SATB2: variants seen among roughly 807,000 people sequenced by gnomAD.
SATB2 encodes DNA-binding protein SATB2.
A neutral mutation model predicts 73.4 loss-of-function variants in SATB2; 1 was observed. The ratio of observed to expected loss-of-function variants is 0.01; its 90% CI spans 0.00 to 0.06. The LOEUF (loss-of-function observed/expected upper bound fraction) is 0.06, where lower values mean the gene tolerates loss of function less well. Among genes scored for constraint, SATB2 ranks in the 10% least tolerant of loss-of-function variants. SATB2 has a pLI of 1.00. For missense variants in SATB2, 459 were observed against 945.8 expected (o/e 0.49, Z 6.75); for synonymous variants, 397 against 367.0 (o/e 1.08, Z -0.93).
chr2:199,380,309 G>A, intron 5 of SATB2, 55 bp downstream of exon 5: 1 of 1,609,480 alleles, frequency 6.2e-7, no homozygotes, highest in Non-Finnish European at 8.5e-7. Flanking sequence ...CCCCCTGATA[G>A]AGAGTCTACC....
At chr2:199,323,716 T>C (rs1687955033) in intron 9 of SATB2, 87 bp downstream of exon 9, 1 of 1,319,284 alleles carries the variant, frequency 7.6e-7, no homozygotes, top group East Asian at 2.3e-5. Context: ...GTTATTATTA[T>C]TATAGGAACA....
At chr2:199,340,535 C>A (rs532246139) in intron 7 of SATB2, among the ~76,000 whole-genome samples, 3 of 152,248 alleles carry the variant, frequency 2.0e-5, no homozygotes, top group Non-Finnish European at 1.5e-5. Flanking sequence ...CTCAGAAGAA[C>A]TAGCTGAGAC....
chr2:199,324,400 AG>A (rs999283175), intron 8 of SATB2, among the ~76,000 whole-genome samples: 4 of 152,120 alleles, frequency 2.6e-5, no homozygotes, highest in African/African-American at 4.8e-5. Flanking sequence ...TGCACTCCCA[AG>A]TCTCTCTTAT....
chr2:199,276,956 T>C (rs752227824), intron 10 of SATB2, among the ~76,000 whole-genome samples: 2 of 152,190 alleles, frequency 1.3e-5, no homozygotes, highest in Non-Finnish European at 2.9e-5. Flanking sequence ...TAAATTGTAG[T>C]ATACTTATAT....
chr2:199,393,968 G>A (rs1690225552), intron 3 of SATB2, among the ~76,000 whole-genome samples: 1 of 151,972 alleles, frequency 6.6e-6, no homozygotes, highest in Non-Finnish European at 1.5e-5. Flanking sequence ...AATAACAAAA[G>A]CTGCTGCCTA....
chr2:199,321,365 G>GTCTATACATAGACATATA (rs1559160006), intron 9 of SATB2, among the ~76,000 whole-genome samples: 144 of 149,974 alleles, frequency 9.6e-4, no homozygotes, highest in African/African-American at 3.2e-3. Context: ...AGATATATAT[G>GTCTATACATAGACATATA]TATGTCTATA....
At chr2:199,302,729 A>G (rs916953481) in intron 10 of SATB2, among the ~76,000 whole-genome samples, 1 of 152,168 alleles carries the variant, frequency 6.6e-6, no homozygotes, top group African/African-American at 2.4e-5. Flanking sequence ...TAATTAGTTT[A>G]TTTGTTTCCC....
upstream of SATB2, chr2:199,459,698 A>C (rs1692425452): frequency 6.5e-6 from 1 of 152,716 alleles, no homozygotes; most frequent in African/African-American, 2.4e-5. This position sits in a 1 kb window ranked among gnomAD's most constrained non-coding sequence, Gnocchi z 4.2. Flanking sequence ...CCCCCTTAAG[A>C]AGCGTTGACT....
chr2:199,442,284 T>G (rs1173876659), intron 2 of SATB2, among the ~76,000 whole-genome samples: 1 of 152,172 alleles, frequency 6.6e-6, no homozygotes, highest in Admixed American at 6.5e-5. Context: ...ATGATCCACA[T>G]AAGTGGATTC....
At chr2:199,336,375 T>C (rs1688338830) in intron 7 of SATB2, among the ~76,000 whole-genome samples, 1 of 152,144 alleles carries the variant, frequency 6.6e-6, no homozygotes, top group South Asian at 2.1e-4. Flanking sequence ...TATTCCTAGT[T>C]TCCATGAATG....
At chr2:199,320,376 A>C (rs904263376) in intron 9 of SATB2, among the ~76,000 whole-genome samples, 4 of 152,130 alleles carry the variant, frequency 2.6e-5, no homozygotes, top group African/African-American at 9.7e-5. Context: ...ACTGGTCCTA[A>C]ATAGAAAATG....
intron 3 of SATB2, among the ~76,000 whole-genome samples, chr2:199,414,717 G>C (rs1690923217): frequency 6.6e-6 from 1 of 152,106 alleles, no homozygotes; most frequent in African/African-American, 2.4e-5. Context: ...ACGGGCCCCA[G>C]TCTGCAAAAG....
intron 6 of SATB2, among the ~76,000 whole-genome samples, chr2:199,349,847 C>T (rs577708608): frequency 1.7e-4 from 26 of 152,194 alleles, no homozygotes; most frequent in African/African-American, 6.3e-4. Context: ...AGGTTATCTG[C>T]TTTATTACAT....
chr2:199,451,284 T>C (rs1692115633), intron 2 of SATB2, among the ~76,000 whole-genome samples: 1 of 152,058 alleles, frequency 6.6e-6, no homozygotes, highest in African/African-American at 2.4e-5. Flanking sequence ...TTCCACTGCA[T>C]ATATTTTTTT....
chr2:199,336,572 T>C (rs1281325344), intron 7 of SATB2, among the ~76,000 whole-genome samples: 1 of 152,232 alleles, frequency 6.6e-6, no homozygotes, highest in Non-Finnish European at 1.5e-5. Context: ...AGCTGACTTT[T>C]TCTGAAACAG....
intron 7 of SATB2, among the ~76,000 whole-genome samples, chr2:199,339,786 C>T (rs1414650735): frequency 6.6e-6 from 1 of 152,132 alleles, no homozygotes; most frequent in Non-Finnish European, 1.5e-5. Context: ...ATTGTGCCAA[C>T]CTTTGGCTAA....
In SATB2 at chr2:199,455,851, C is replaced by G. The variant is rs1352165228; in HGVS notation, c.169+18G>C. ...CACTGGGCCGCGGGCTGCGCGCCTCCCTGCTCCGGGCTGTTACCTCCCACG... is the reference window on the plus strand; with the variant it reads ...CACTGGGCCGCGGGCTGCGCGCCTCGCTGCTCCGGGCTGTTACCTCCCACG... On this transcript the variant is annotated intron_variant, in intron 2 of 10. Transcript: ENST00000417098. This position sits in a 1 kb window ranked among gnomAD's most constrained non-coding sequence, Gnocchi z 4.1. The G allele has an allele frequency of 6.5e-7, 1 of 1,535,232 alleles. No homozygotes were observed. Among genetic ancestry groups the G allele is most frequent in the South Asian group, 1.2e-5 (1 of 83,980 alleles).
intron 8 of SATB2, among the ~76,000 whole-genome samples, chr2:199,325,776 T>C (rs528746647): frequency 3.3e-5 from 5 of 152,120 alleles, no homozygotes; most frequent in Non-Finnish European, 7.3e-5. Context: ...AGTTCCCTCA[T>C]CTGTAAAATG....
At chr2:199,409,650 GTTT>G (rs5837680) in intron 3 of SATB2, among the ~76,000 whole-genome samples, 1 of 146,570 alleles carries the variant, frequency 6.8e-6, no homozygotes, top group Non-Finnish European at 1.5e-5. Context: ...ACCAAGACAA[GTTT>G]TTTTTGTTTT....
Sources: allele counts gnomAD v4.1 joint callset (sites outside exome capture counted in the v4.1 genomes callset), GRCh38; gene constraint gnomAD v4.1.1; non-coding constraint Gnocchi (gnomAD v3.1); transcripts MANE v1.5; gene names NCBI Gene and HGNC (gene_info 2026-07-23, HGNC 2026-07-21).